Variants in TBX15 observed in about 807,000 individuals in gnomAD.
TBX15 encodes the protein T-box transcription factor TBX15.
In TBX15, 18 loss-of-function variants were observed where a neutral mutation model predicts 53.9. That is an observed-to-expected ratio of 0.33 (90% confidence interval 0.23 to 0.49). The LOEUF (loss-of-function observed/expected upper bound fraction) is 0.49. Among genes scored for constraint, TBX15 ranks in the 20% least tolerant of loss-of-function variants. The probability of loss-of-function intolerance (pLI) is 0.98; values close to 1 mark genes in which losing one functional copy is unlikely to be tolerated. For synonymous variants in TBX15, 295 were observed against 278.0 expected, an observed-to-expected ratio of 1.06 and a Z score of -0.61; for missense variants, 692 against 749.5, an observed-to-expected ratio of 0.92 and a Z score of 0.90.
intron 1 of TBX15, among the ~76,000 whole-genome samples, chr1:118,932,866 T>C (rs1342542314): frequency 6.6e-6 from 1 of 152,196 alleles, no homozygotes; most frequent in African/African-American, 2.4e-5. Flanking sequence ...TTAGGTCAAA[T>C]GATGCTGCAA....
chr1:118,923,424 G>A lies in TBX15; in HGVS notation c.861+12C>T. Reference sequence around the variant, plus strand: ...CAGATGTAGCAGAAGACTCTCAAGGGCCACCTCTTACCTGCTGATTCTGAT... The same window carrying A: ...CAGATGTAGCAGAAGACTCTCAAGGACCACCTCTTACCTGCTGATTCTGAT... On this transcript the variant is annotated intron_variant, in intron 5 of 7. Coordinates refer to ENST00000369429, the MANE Select transcript of TBX15 (RefSeq NM_001330677.2). 2 of 1,613,654 alleles carry A rather than the reference G, an allele frequency of 1.2e-6. No individual in the cohort carries two copies. The highest frequency in any genetic ancestry group is 2.2e-5 in the East Asian group (1 of 44,832).
Position 118,988,133 on chromosome 1 carries a change from A to T in TBX15, c.-338T>A, listed in dbSNP as rs1351102312. ...TGAACTTCATCTTGTTTTTGTTATT[A>T]TTATTATTCTCTCTCCTCTCTCTCT... On this transcript the variant is annotated 5_prime_UTR_variant, in exon 1 of 8. Coordinates refer to ENST00000369429, the MANE Select transcript of TBX15 (RefSeq NM_001330677.2). The T allele has an allele frequency of 6.1e-6, 2 of 326,182 alleles. No individual in the cohort carries two copies. The highest frequency in any genetic ancestry group is 5.5e-5 in the South Asian group (1 of 18,256). The allele number at this position is 326,182 out of a possible 1,614,324, so 20.2% of individuals were successfully genotyped here.
rs747054560 is a variant in TBX15 at position 118,885,376 on chromosome 1, T to C, written c.1165A>G (p.Ser389Gly). The C allele has an allele frequency of 9.3e-6, 15 of 1,613,844 alleles. No homozygotes were observed. The highest frequency in any genetic ancestry group is 1.3e-5 in the Non-Finnish European group (15 of 1,180,034). ...PNTFNVGCRESQLCNLNLSDY... is the reference protein window; with the variant it reads ...PNTFNVGCREGQLCNLNLSDY... ...GAGAGGTTTAGATTACACAGCTGGC[T>C]TTCTCGGCAGCCCACATTGAAAGTG... Residue 389 changes from serine (S) to glycine (G), a missense_variant, in exon 8 of 8, where the codon AGC (serine) becomes GGC (glycine). Transcript: ENST00000369429.
Position 118,883,878 on chromosome 1 carries a change from TG to T in TBX15, c.*853del, listed in dbSNP as rs1189165162. 3 of 152,790 alleles carry T rather than the reference TG, an allele frequency of 2.0e-5. No homozygotes were observed. The highest frequency in any genetic ancestry group is 7.2e-5 in the African/African-American group (3 of 41,450). 9.5% of individuals were successfully genotyped at this position (152,790 alleles called of 1,614,324 possible). ...GGGACAAACCAAAAACACGTCTCCT[TG>T]GTGAATTAAAATTCTCATCATTGCT... On this transcript the variant is annotated 3_prime_UTR_variant, in exon 8 of 8. Transcript: ENST00000369429.
chr1:118,977,448 G>A (rs1333055185), intron 1 of TBX15, among the ~76,000 whole-genome samples: 2 of 152,118 alleles, frequency 1.3e-5, no homozygotes, highest in Non-Finnish European at 2.9e-5. Context: ...CCTAGGTTCT[G>A]GAGATACAAA....
chr1:118,957,109 A>G (rs1205480965), intron 1 of TBX15, among the ~76,000 whole-genome samples: 4 of 152,238 alleles, frequency 2.6e-5, no homozygotes, highest in Non-Finnish European at 5.9e-5. Flanking sequence ...TTAGAAAATT[A>G]TACTTGGCTA....
chr1:118,988,113 T>C lies in TBX15; in HGVS notation c.-318A>G, dbSNP rs1159169465. On this transcript the variant is annotated 5_prime_UTR_variant, in exon 1 of 8. Coordinates refer to ENST00000369429, the MANE Select transcript of TBX15 (RefSeq NM_001330677.2). ...CGCTCACAGACTGTGTCCACTGAAC[T>C]TCATCTTGTTTTTGTTATTATTATT... The C allele has an allele frequency of 1.2e-5, 5 of 409,782 alleles. No homozygotes were observed. The highest frequency in any genetic ancestry group is 2.1e-5 in the African/African-American group (1 of 47,156). 25.4% of individuals were successfully genotyped at this position (409,782 alleles called of 1,614,324 possible).
At chr1:118,908,285 C>A (rs1654903643) in intron 6 of TBX15, among the ~76,000 whole-genome samples, 1 of 148,994 alleles carries the variant, frequency 6.7e-6, no homozygotes. Context: ...AAAAAAAATA[C>A]AAGAACAGAA....
At chr1:118,976,493 G>A (rs995325823) in intron 1 of TBX15, among the ~76,000 whole-genome samples, 10 of 152,078 alleles carry the variant, frequency 6.6e-5, no homozygotes, top group Non-Finnish European at 8.8e-5. Context: ...TCTGAGCTCC[G>A]GGAAGAAATA....
At chr1:118,934,444 C>T (rs1315175572) in intron 1 of TBX15, among the ~76,000 whole-genome samples, 1 of 152,146 alleles carries the variant, frequency 6.6e-6, no homozygotes, top group Non-Finnish European at 1.5e-5. Flanking sequence ...AAGCACCTAT[C>T]AGCATATGGC....
At chr1:118,924,498 A>C (rs1249774633) in intron 4 of TBX15, 148 bp downstream of exon 4, 1 of 959,086 alleles carries the variant, frequency 1.0e-6, no homozygotes, top group African/African-American at 1.7e-5. Flanking sequence ...TAACTGGAAA[A>C]AAACACTTTT....
chr1:118,954,473 C>T (rs897574049), intron 1 of TBX15, among the ~76,000 whole-genome samples: 1 of 152,164 alleles, frequency 6.6e-6, no homozygotes, highest in South Asian at 2.1e-4. Context: ...GGATTACATA[C>T]AGCAATGTCT....
At chr1:118,914,087 GA>G (rs1655111492) in intron 6 of TBX15, 27 bp downstream of exon 6, 2 of 1,611,958 alleles carry the variant, frequency 1.2e-6, no homozygotes, top group African/African-American at 1.3e-5. Context: ...ACATAGAAAA[GA>G]AGTGCCTCTT....
At chr1:118,950,187 G>A (rs1425369031) in intron 1 of TBX15, among the ~76,000 whole-genome samples, 3 of 152,184 alleles carry the variant, frequency 2.0e-5, no homozygotes, top group Non-Finnish European at 4.4e-5. Context: ...GTGGCAGAAG[G>A]AACCCCCTCT....
At chr1:118,979,810 C>G (rs563348839) in intron 1 of TBX15, among the ~76,000 whole-genome samples, 6 of 152,304 alleles carry the variant, frequency 3.9e-5, no homozygotes, top group African/African-American at 1.4e-4. Context: ...CCCGCGATAA[C>G]CCCGGGCGCA....
At chr1:118,979,797 G>A (rs1231990815) in intron 1 of TBX15, among the ~76,000 whole-genome samples, 2 of 152,166 alleles carry the variant, frequency 1.3e-5, no homozygotes, top group African/African-American at 4.8e-5. Context: ...GGGTTTCCAA[G>A]GCCCCGCGAT....
rs1657792820 is a variant in TBX15, at chr1:118,985,263, C to T, written c.205+2328G>A. Among the ~76,000 whole-genome samples the T allele has an allele frequency of 2.0e-5, 3 of 152,208 alleles. No individual in the cohort carries two copies. In the South Asian group the frequency reaches 6.2e-4, roughly 31 times the overall value. ...AATGAGGCTCACCCGGGAAGAGACG[C>T]TGCCCTGGGCACAATAGGGTCGCCT... On this transcript the variant is annotated intron_variant, in intron 1 of 7. Transcript: ENST00000369429.
intron 1 of TBX15, among the ~76,000 whole-genome samples, chr1:118,984,161 G>A (rs1299715418): frequency 6.6e-6 from 1 of 152,130 alleles, no homozygotes; most frequent in Non-Finnish European, 1.5e-5. Context: ...TTGAGCTGAC[G>A]GGTGCGTGCG....
intron 6 of TBX15, among the ~76,000 whole-genome samples, chr1:118,899,715 G>C (rs889034933): frequency 6.6e-6 from 1 of 152,190 alleles, no homozygotes; most frequent in Non-Finnish European, 1.5e-5. Flanking sequence ...TGAAGATAAA[G>C]AAAGGGCTTG....
Sources: allele counts gnomAD v4.1 joint callset (sites outside exome capture counted in the v4.1 genomes callset), GRCh38; gene constraint gnomAD v4.1.1; transcripts MANE v1.5; gene names NCBI Gene and HGNC (gene_info 2026-07-23, HGNC 2026-07-21).